CERS3: variants seen among roughly 807,000 people sequenced by gnomAD.
CERS3 encodes LAG1 homolog, ceramide synthase 3.
A neutral mutation model predicts 50.3 loss-of-function variants in CERS3; 33 were observed. The ratio of observed to expected loss-of-function variants is 0.66; its 90% CI spans 0.50 to 0.88. The LOEUF is 0.88. Ranked by LOEUF, CERS3 falls within the 40% of genes least tolerant of loss-of-function variation. The pLI, the probability that CERS3 is intolerant of heterozygous loss-of-function variation, is 0.00. For missense variants in CERS3, 470 were observed against 460.3 expected (o/e 1.02, Z -0.19); for synonymous variants, 176 against 155.2 (o/e 1.13, Z -0.99).
chr15:100,502,251 G>GAAAAAAAAAAAAAAAAAAAAAAAAAAAA (rs58654483), intron 2 of CERS3, among the ~76,000 whole-genome samples: 3 of 113,698 alleles, frequency 2.6e-5, no homozygotes, highest in Non-Finnish European at 5.1e-5. Context: ...CTCAAAAAAA[G>GAAAAAAAAAAAAAAAAAAAAAAAAAAAA]AAAAAAAAAA....
chr15:100,509,671 A>C (rs570033153), intron 2 of CERS3, among the ~76,000 whole-genome samples: 13 of 152,324 alleles, frequency 8.5e-5, no homozygotes, highest in African/African-American at 3.1e-4. Flanking sequence ...AGGTCAGGTG[A>C]CCAGCTAGGT....
chr15:100,467,205 G>C (rs967676201), intron 10 of CERS3, among the ~76,000 whole-genome samples: 3 of 151,974 alleles, frequency 2.0e-5, no homozygotes, highest in African/African-American at 7.3e-5. Context: ...TAGACACTAT[G>C]TGACTGCCCA....
At chr15:100,436,859 A>C (rs1269100659) in intron 11 of CERS3, among the ~76,000 whole-genome samples, 1 of 152,074 alleles carries the variant, frequency 6.6e-6, no homozygotes, top group South Asian at 2.1e-4. Flanking sequence ...CGCTGTTATC[A>C]TCAGCAACAG....
chr15:100,420,663 C>T lies in CERS3; in HGVS notation c.1000-17798G>A, dbSNP rs868535885. On this transcript the variant is annotated intron_variant, in intron 11 of 11. Transcript: ENST00000679737. ...ATTTTAGACCAATATCCTTGATGAA[C>T]ATTGATGCAAAAATCCTCAATAAAA... Among the ~76,000 whole-genome samples the T allele has an allele frequency of 4.3e-3, 657 of 151,464 alleles. 5 individuals carry two copies. Among genetic ancestry groups the T allele is most frequent in the African/African-American group, 0.014 (599 of 41,318 alleles).
At chr15:100,461,341 G>T (rs966732664) in intron 10 of CERS3, among the ~76,000 whole-genome samples, 5 of 152,108 alleles carry the variant, frequency 3.3e-5, no homozygotes, top group South Asian at 2.1e-4. Flanking sequence ...GAAAGAAGCT[G>T]CCATTAAGAT....
chr15:100,484,567 C>T lies in CERS3; in HGVS notation c.390G>A (p.Lys130=), dbSNP rs1273288123. ...RRNQERPSRL[K]KFQEACWRFA... ...CTCCTTACCAAGCTTCCTGGAATTTCTTCAGCCTGGAAGGCCTCTCTTGAT... is the reference window on the plus strand; with the variant it reads ...CTCCTTACCAAGCTTCCTGGAATTTTTTCAGCCTGGAAGGCCTCTCTTGAT... Residue 130 remains lysine (K), a synonymous_variant, in exon 5 of 12, where the codon AAG becomes AAA. Coordinates refer to ENST00000679737, the MANE Select transcript of CERS3 (RefSeq NM_001378789.1). 1 of 1,613,450 alleles carries T rather than the reference C, an allele frequency of 6.2e-7. No individual in the cohort carries two copies. Among genetic ancestry groups the T allele is most frequent in the South Asian group, 1.1e-5 (1 of 91,056 alleles).
intron 5 of CERS3, among the ~76,000 whole-genome samples, chr15:100,483,769 A>T (rs1388267169): frequency 9.1e-3 from 123 of 13,456 alleles, no homozygotes; most frequent in Non-Finnish European, 0.017. Context: ...ATCAATAATA[A>T]TAATAATTAT....
chr15:100,413,654 T>C (rs2031661437), intron 11 of CERS3, among the ~76,000 whole-genome samples: 1 of 151,406 alleles, frequency 6.6e-6, no homozygotes, highest in Non-Finnish European at 1.5e-5. Flanking sequence ...AGTCTGATAA[T>C]ATTGTAAAAA....
intron 2 of CERS3, among the ~76,000 whole-genome samples, chr15:100,513,120 C>A (rs750745468): frequency 1.3e-5 from 2 of 152,176 alleles, no homozygotes; most frequent in African/African-American, 2.4e-5. Flanking sequence ...CATGGTCTTC[C>A]CTTCAAGATG....
At chr15:100,497,293 A>C (rs2035845469) in intron 3 of CERS3, among the ~76,000 whole-genome samples, 2 of 150,404 alleles carry the variant, frequency 1.3e-5, no homozygotes, top group Non-Finnish European at 3.0e-5. Context: ...ACAGAGAGAG[A>C]GAGCATATAT....
intron 5 of CERS3, 88 bp from the exon 6 acceptor site, chr15:100,480,134 G>A: frequency 1.1e-6 from 1 of 950,246 alleles, no homozygotes; most frequent in East Asian, 2.4e-5. Context: ...ATTTTACAAA[G>A]AACACACATT....
At chr15:100,540,068 C>T (rs557152607) in intron 1 of CERS3, among the ~76,000 whole-genome samples, 2 of 152,304 alleles carry the variant, frequency 1.3e-5, no homozygotes, top group Admixed American at 1.3e-4. Flanking sequence ...ATTTCCTAAA[C>T]CACCCTCTGA....
intron 11 of CERS3, among the ~76,000 whole-genome samples, chr15:100,442,831 A>T (rs1050939956): frequency 6.6e-6 from 1 of 152,160 alleles, no homozygotes; most frequent in African/African-American, 2.4e-5. Context: ...TAACTCTCAC[A>T]GTGGAAGGTA....
chr15:100,466,769 CT>C (rs2034734852), intron 10 of CERS3, among the ~76,000 whole-genome samples: 1 of 25,082 alleles, frequency 4.0e-5, no homozygotes, highest in Admixed American at 4.7e-4. Flanking sequence ...TCCTTCCTTC[CT>C]TCCTTCCTTC....
intron 11 of CERS3, among the ~76,000 whole-genome samples, chr15:100,430,641 C>T (rs2033078158): frequency 6.6e-6 from 1 of 152,094 alleles, no homozygotes; most frequent in South Asian, 2.1e-4. Context: ...CCGCAGTTGG[C>T]AATGAAACAA....
At chr15:100,407,448 C>T (rs928500424) in intron 11 of CERS3, among the ~76,000 whole-genome samples, 5 of 152,248 alleles carry the variant, frequency 3.3e-5, no homozygotes, top group African/African-American at 1.2e-4. Context: ...AATGTGCTGA[C>T]ATTCACATGT....
chr15:100,402,950 G>T lies in CERS3; in HGVS notation c.1000-85C>A. 1.5e-6 allele frequency: 2 copies of T among 1,373,266 alleles called. No individual in the cohort carries two copies. Among genetic ancestry groups the T allele is most frequent in the Non-Finnish European group, 2.0e-6 (2 of 1,011,202 alleles). 85.1% of individuals were successfully genotyped at this position (1,373,266 alleles called of 1,614,324 possible). A position where few individuals can be genotyped will look rare whatever the true frequency, so the allele number is the denominator to read the frequency against. Reference sequence around the variant, plus strand: ...TCTGCCAACAGCCAGTTTCAAGTATGGCTCCCTTTAAGGAAAACCCAATAT... The same window carrying T: ...TCTGCCAACAGCCAGTTTCAAGTATTGCTCCCTTTAAGGAAAACCCAATAT... On this transcript the variant is annotated intron_variant, in intron 11 of 11. Transcript: ENST00000679737.
chr15:100,513,838 T>A (rs11247212), intron 2 of CERS3, among the ~76,000 whole-genome samples: 145,552 of 152,248 alleles, frequency 0.96, 69,639 homozygotes, highest in East Asian at 0.98. Flanking sequence ...TTTAGCCTTG[T>A]GGCATGTGCA....
At chr15:100,418,356 T>G (rs1415762308) in intron 11 of CERS3, among the ~76,000 whole-genome samples, 1 of 151,262 alleles carries the variant, frequency 6.6e-6, no homozygotes, top group Non-Finnish European at 1.5e-5. Context: ...ATGAATGAAA[T>G]GAAGCGAGAA....
Sources: allele counts gnomAD v4.1 joint callset (sites outside exome capture counted in the v4.1 genomes callset), GRCh38; gene constraint gnomAD v4.1.1; transcripts MANE v1.5; gene names NCBI Gene and HGNC (gene_info 2026-07-23, HGNC 2026-07-21).